The following USP6 variants were observed in gnomAD, a reference collection of about 807,000 sequenced individuals.
USP6 encodes ubiquitin specific peptidase 6, also known as ubiquitin carboxyl-terminal hydrolase 6.
Under a neutral mutation model 175.7 loss-of-function variants are expected in USP6, and 128 were observed. The observed-to-expected ratio is 0.73, with a 90% CI of 0.63 to 0.84. The LOEUF (loss-of-function observed/expected upper bound fraction) is 0.84. USP6 is among the 40% of genes least tolerant of loss of function. USP6 has a pLI of 0.00. For missense variants in USP6, 1,498 were observed against 1,760.3 expected (o/e 0.85, Z 2.67); for synonymous variants, 562 against 630.6 (o/e 0.89, Z 1.63).
Position 5,145,453 on chromosome 17 carries a change from T to C in USP6, c.2041T>C (p.Phe681Leu), listed in dbSNP as rs370496973. 3 of 1,612,806 alleles carry C rather than the reference T, an allele frequency of 1.9e-6. No individual in the cohort carries two copies. In the African/African-American group the frequency reaches 4.0e-5, roughly 22 times the overall value. Residue 681 changes from phenylalanine to leucine, a missense_variant, in exon 27 of 38, where the codon TTC becomes CTC. Phe to Leu is a conservative substitution (Grantham distance 22, BLOSUM62 0). Around this residue, in one of 2 missense-constraint regions of USP6, gnomAD observed 1,217 missense variants for 1,500.8 expected, o/e 0.81. Transcript: ENST00000574788. ...RRNRSIIVDL[F>L]HGQLRSQVKC... ...AAATAGATCAATTATTGTGGATTTGTTCCATGGGCAGCTAAGATCTCAAGT... is the reference window on the plus strand; with the variant it reads ...AAATAGATCAATTATTGTGGATTTGCTCCATGGGCAGCTAAGATCTCAAGT...
intron 3 of USP6, 82 bp downstream of exon 3, chr17:5,120,870 C>T (rs1004277715): frequency 2.4e-5 from 11 of 454,408 alleles, no homozygotes; most frequent in Non-Finnish European, 4.4e-5. Context: ...CTGGCAGATC[C>T]ACAGGCTGTC....
intron 28 of USP6, among the ~76,000 whole-genome samples, chr17:5,146,871 T>A (rs540568864): frequency 1.3e-5 from 2 of 152,332 alleles, no homozygotes; most frequent in Admixed American, 1.3e-4. Context: ...CACTTCTTCC[T>A]GTGAAAAGAG....
chr17:5,138,455 G>A (rs551303138), intron 21 of USP6, among the ~76,000 whole-genome samples, 182 bp downstream of exon 21: 5 of 152,280 alleles, frequency 3.3e-5, no homozygotes, highest in African/African-American at 1.2e-4. Flanking sequence ...CACTCAGTGC[G>A]TGTATACTGG....
intron 35 of USP6, among the ~76,000 whole-genome samples, chr17:5,169,963 A>G (rs1207343110): frequency 2.0e-5 from 3 of 152,084 alleles, no homozygotes. Context: ...AAGGTTCTCA[A>G]TAATTTTTAA....
intron 37 of USP6, among the ~76,000 whole-genome samples, 199 bp downstream of exon 37, chr17:5,171,878 T>A (rs1221222252): frequency 1.3e-5 from 2 of 151,922 alleles, no homozygotes; most frequent in Admixed American, 1.3e-4. Flanking sequence ...AAATAAAGAG[T>A]TAGTTGACCG....
rs567810284 is a variant in USP6 at position 5,144,690 on chromosome 17, C to T, written c.1819C>T (p.Arg607Trp). Residue 607 changes from arginine to tryptophan, a missense_variant and splice_region_variant, in exon 26 of 38, where the codon CGG (arginine) becomes TGG (tryptophan). Coordinates refer to ENST00000574788, the MANE Select transcript of USP6 (RefSeq NM_001304284.2). ...QKSVAPLKLR[R>W]TIAKYAPKFD... ...ACTGTGACTTCTCTTATATTTATAG[C>T]GGACCATAGCAAAATATGCTCCCAA... is the stretch of plus-strand genomic sequence containing the variant. The T allele has an allele frequency of 1.1e-4, 183 of 1,612,942 alleles. 1 individual carries two copies. Among genetic ancestry groups the T allele is most frequent in the South Asian group, 9.7e-4 (88 of 90,768 alleles).
chr17:5,151,868 G>A (rs531016376), intron 30 of USP6, among the ~76,000 whole-genome samples: 21 of 152,250 alleles, frequency 1.4e-4, no homozygotes, highest in African/African-American at 5.1e-4. Flanking sequence ...CAATGAAACA[G>A]CCCTTGGAAG....
Position 5,121,725 on chromosome 17 carries a change from C to T in USP6, c.-1324C>T, listed in dbSNP as rs544581301. Reference sequence around the variant, plus strand: ...GGAGCAGGAGATCGCCACCTACAGCCGCTTGCTAGAGGTTGAGGACGCTCA... The same window carrying T: ...GGAGCAGGAGATCGCCACCTACAGCTGCTTGCTAGAGGTTGAGGACGCTCA... On this transcript the variant is annotated 5_prime_UTR_variant, in exon 4 of 38. Transcript: ENST00000574788. The T allele has an allele frequency of 2.4e-4, 38 of 161,256 alleles. No individual in the cohort carries two copies. Among genetic ancestry groups the T allele is most frequent in the Non-Finnish European group, 3.9e-4 (28 of 72,314 alleles). The allele number at this position is 161,256 out of a possible 1,614,324, so 10.0% of individuals were successfully genotyped here. A position where few individuals can be genotyped will look rare whatever the true frequency, so the allele number is the denominator to read the frequency against.
At chr17:5,122,064 G>A (rs1247849383) in intron 4 of USP6, among the ~76,000 whole-genome samples, 1 of 151,968 alleles carries the variant, frequency 6.6e-6, no homozygotes, top group Non-Finnish European at 1.5e-5. Context: ...AGAGGGGTCA[G>A]GGTGGGGCCA....
intron 2 of USP6, among the ~76,000 whole-genome samples, 170 bp downstream of exon 2, chr17:5,118,460 G>T (rs1256004703): frequency 6.6e-6 from 1 of 152,276 alleles, no homozygotes; most frequent in African/African-American, 2.4e-5. Flanking sequence ...TGCTGCCCAA[G>T]TGGGGGTGCC....
intron 23 of USP6, 60 bp downstream of exon 23, chr17:5,141,559 C>A: frequency 6.9e-7 from 1 of 1,442,152 alleles, no homozygotes; most frequent in African/African-American, 1.5e-5. Context: ...TTTCTTCTTT[C>A]AACTATTAAA....
intron 29 of USP6, 127 bp downstream of exon 29, chr17:5,147,321 C>G: frequency 9.1e-7 from 1 of 1,099,964 alleles, no homozygotes; most frequent in Non-Finnish European, 1.3e-6. Flanking sequence ...TCAAGGGAAA[C>G]CTTACTGATT....
At chr17:5,151,829 G>T (rs1173735735) in intron 30 of USP6, among the ~76,000 whole-genome samples, 1 of 152,042 alleles carries the variant, frequency 6.6e-6, no homozygotes, top group Non-Finnish European at 1.5e-5. Context: ...AATTTCAGGT[G>T]GTCTATAGAG....
chr17:5,119,786 C>T (rs1688456265), intron 2 of USP6, among the ~76,000 whole-genome samples: 1 of 152,190 alleles, frequency 6.6e-6, no homozygotes, highest in African/African-American at 2.4e-5. Flanking sequence ...GACTCACAGC[C>T]ATCATCTCAG....
At chr17:5,144,543 T>G (rs1366862436) in intron 25 of USP6, 147 bp from the exon 26 acceptor site, 2 of 1,019,834 alleles carry the variant, frequency 2.0e-6, no homozygotes, top group East Asian at 2.8e-5. Context: ...GATTTCATGA[T>G]TATCCAAAAT....
At position 5,155,274 on chromosome 17, in the gene USP6, A is replaced by G. The variant is rs1030430399; in HGVS notation, c.2644-148A>G. 8 of 1,001,128 alleles carry G rather than the reference A, an allele frequency of 8.0e-6. No homozygotes were observed. The African/African-American group carries it at 8.2e-5, about 10-fold the overall frequency. The allele number at this position is 1,001,128 out of a possible 1,614,324, so 62.0% of individuals were successfully genotyped here. On this transcript the variant is annotated intron_variant, in intron 30 of 37. Coordinates refer to ENST00000574788, the MANE Select transcript of USP6 (RefSeq NM_001304284.2). ...ACTGTAAACCGTTCTCTTTGTGTCAATAAAGATGGTTTTATAAACATAGAG... is the reference window on the plus strand; with the variant it reads ...ACTGTAAACCGTTCTCTTTGTGTCAGTAAAGATGGTTTTATAAACATAGAG...
In USP6 at chr17:5,142,479, A is replaced by G. The variant is rs776406723; in HGVS notation, c.1795A>G (p.Ser599Gly). The part of the protein sequence containing the change: ...VQELWSGTQK[S>G]VAPLKLRRTI... The stretch of plus-strand genomic sequence containing the variant: ...GGAACTCTGGAGTGGAACTCAGAAG[A>G]GTGTTGCCCCATTAAAGCTTCGGGT... The change falls in exon 25 of 38, where the codon AGT (serine) becomes GGT (glycine). Residue 599 changes from serine (S) to glycine (G), a missense_variant. Ser to Gly is a moderately conservative substitution (Grantham distance 56, BLOSUM62 0). Around this residue, in one of 2 missense-constraint regions of USP6, gnomAD observed 1,217 missense variants for 1,500.8 expected, o/e 0.81. Transcript: ENST00000574788. 6.2e-7 allele frequency: 1 copy of G among 1,613,536 alleles called. No individual in the cohort carries two copies. Among genetic ancestry groups the G allele is most frequent in the South Asian group, 1.1e-5 (1 of 90,916 alleles).
rs1484173970 is a variant in USP6 at position 5,130,663 on chromosome 17, T to C, written c.134T>C (p.Ile45Thr). 3.1e-6 allele frequency: 5 copies of C among 1,613,864 alleles called. No homozygotes were observed. Among genetic ancestry groups the C allele is most frequent in the African/African-American group, 2.7e-5 (2 of 74,918 alleles). Reference sequence around the variant, plus strand: ...GAGCCCGTTGGAATCAACAGCAGCATTGATCGTTTTGGCATTTTGCAGTGA... The same window carrying C: ...GAGCCCGTTGGAATCAACAGCAGCACTGATCGTTTTGGCATTTTGCAGTGA... ...GPEPVGINSSIDRFGILHETE... is the reference protein window; with the variant it reads ...GPEPVGINSSTDRFGILHETE... The change falls in exon 11 of 38, where the codon ATT (isoleucine) becomes ACT (threonine). Residue 45 changes from isoleucine (I) to threonine (T), a missense_variant. Physicochemically the swap from Ile to Thr is moderately conservative, Grantham distance 89. Around this residue, in one of 2 missense-constraint regions of USP6, gnomAD observed 281 missense variants for 259.6 expected, o/e 1.08. Coordinates refer to ENST00000574788, the MANE Select transcript of USP6 (RefSeq NM_001304284.2).
In USP6 at chr17:5,174,476, C is replaced by T; in HGVS notation, c.*1498C>T. On this transcript the variant is annotated 3_prime_UTR_variant, in exon 38 of 38. Transcript: ENST00000574788. ...TTGGAAAGGTTATCTTAAATGGCTA[C>T]CTAAATTGAAATCCTTTTCAGAAAA... 1 of 190,374 alleles carries T rather than the reference C, an allele frequency of 5.3e-6. No individual in the cohort carries two copies. Among genetic ancestry groups the T allele is most frequent in the Non-Finnish European group, 1.1e-5 (1 of 90,572 alleles). 11.8% of individuals were successfully genotyped at this position (190,374 alleles called of 1,614,324 possible). A position where few individuals can be genotyped will look rare whatever the true frequency, so the allele number is the denominator to read the frequency against.
Sources: gnomAD v4.1 joint callset for allele counts (sites outside exome capture counted in the v4.1 genomes callset) on GRCh38, gnomAD v4.1.1 for gene constraint, gnomAD v4.1.1 regional missense constraint, MANE v1.5 for transcripts, NCBI Gene and HGNC (gene_info 2026-07-23, HGNC 2026-07-21) for gene names.